Variants in DLGAP2 observed in about 807,000 individuals in gnomAD.
DLGAP2 encodes the protein DLG associated protein 2.
Under a neutral mutation model 100.3 loss-of-function variants are expected in DLGAP2, and 26 were observed. The ratio of observed to expected loss-of-function variants is 0.26; its 90% confidence interval spans 0.19 to 0.36. DLGAP2 has a LOEUF of 0.36. Among genes scored for constraint, DLGAP2 ranks in the 10% least tolerant of loss-of-function variants. The pLI, the probability that DLGAP2 is intolerant of heterozygous loss-of-function variation, is 1.00. For synonymous variants in DLGAP2, 886 were observed against 630.1 expected, an observed-to-expected ratio of 1.41 and a Z score of -6.08; for missense variants, 1,858 against 1,453.2, an observed-to-expected ratio of 1.28 and a Z score of -4.53.
chr8:1,379,868 G>A lies in DLGAP2; in HGVS notation c.106+120985G>A, dbSNP rs146798726. ...CTCCCCTCCTGCTCGGTGGGGGCCT[G>A]CTGATTTGGGGTGCCTTCCCTTCCC... is the stretch of plus-strand genomic sequence containing the variant. On this transcript the variant is annotated intron_variant, in intron 3 of 14. Transcript: ENST00000637795. Among the ~76,000 whole-genome samples, 405 of 85,696 alleles carry A rather than the reference G, an allele frequency of 4.7e-3. 2 individuals are homozygous for A. Among genetic ancestry groups the A allele is most frequent in the African/African-American group, 0.013 (373 of 28,464 alleles). The allele number at this position is 85,696 out of a possible 152,430, so 56.2% of individuals were successfully genotyped here. A position where few individuals can be genotyped will look rare whatever the true frequency, so the allele number is the denominator to read the frequency against.
chr8:1,146,642 T>C (rs1478181068), intron 2 of DLGAP2, among the ~76,000 whole-genome samples: 3 of 148,848 alleles, frequency 2.0e-5, no homozygotes, highest in African/African-American at 7.8e-5. Context: ...TGTGTGCATG[T>C]GAGTGTGTGC....
At chr8:900,105 G>T (rs370971397) in intron 1 of DLGAP2, among the ~76,000 whole-genome samples, 2 of 152,176 alleles carry the variant, frequency 1.3e-5, no homozygotes, top group African/African-American at 4.8e-5. Context: ...GATGGTGGGC[G>T]GCCTCCTCTT....
At position 1,572,070 on chromosome 8, in the gene DLGAP2, GAGAGAGGGTGA is replaced by G. The variant is rs1429666687; in HGVS notation, c.1442+6178_1442+6188del. On this transcript the variant is annotated intron_variant, in intron 6 of 14. Transcript: ENST00000637795. ...TGGGGATGTCTGATGAGATGGAGAG[GAGAGAGGGTGA>G]ACTGTGGGGGCGTCTGATGAGATGG... 2.5e-4 allele frequency among the ~76,000 whole-genome samples: 35 copies of G among 137,590 alleles called. 1 individual carries two copies. The highest frequency in any genetic ancestry group is 1.0e-3 in the African/African-American group (35 of 35,014). 90.3% of individuals were successfully genotyped at this position (137,590 alleles called of 152,430 possible). A position where few individuals can be genotyped will look rare whatever the true frequency, so the allele number is the denominator to read the frequency against.
At chr8:1,195,142 A>C (rs1350822633) in intron 2 of DLGAP2, among the ~76,000 whole-genome samples, 1 of 152,250 alleles carries the variant, frequency 6.6e-6, no homozygotes, top group Non-Finnish European at 1.5e-5. Context: ...CCCTGGTCGC[A>C]AAGGCGTCAG....
chr8:1,626,013 T>C (rs1469356903), intron 6 of DLGAP2, among the ~76,000 whole-genome samples: 2 of 146,386 alleles, frequency 1.4e-5, no homozygotes, highest in Non-Finnish European at 3.0e-5. Flanking sequence ...TGTTCCCATC[T>C]CTACCCTGTG....
chr8:1,164,557 G>A (rs62487538), intron 2 of DLGAP2, among the ~76,000 whole-genome samples: 16,082 of 151,974 alleles, frequency 0.11, 974 homozygotes, highest in East Asian at 0.23. Flanking sequence ...CACGGATGCT[G>A]CCCAAGTACT....
chr8:879,598 C>T (rs897184958), intron 1 of DLGAP2, among the ~76,000 whole-genome samples: 4 of 152,202 alleles, frequency 2.6e-5, no homozygotes, highest in African/African-American at 9.7e-5. Context: ...TCATTAGTTT[C>T]CTAGGAGCCA....
chr8:1,533,135 G>GA (rs58058808), intron 4 of DLGAP2, among the ~76,000 whole-genome samples: 2,630 of 119,524 alleles, frequency 0.022, 30 homozygotes, highest in Non-Finnish European at 0.03. Flanking sequence ...TGATTCTAGG[G>GA]AAAAAAAAAA....
chr8:974,065 G>C (rs1380920849), intron 2 of DLGAP2, among the ~76,000 whole-genome samples: 1 of 152,100 alleles, frequency 6.6e-6, no homozygotes, highest in Non-Finnish European at 1.5e-5. Context: ...GGTAATACCA[G>C]AAAGAGAAGA....
At chr8:1,043,933 G>A (rs186801546) in intron 2 of DLGAP2, among the ~76,000 whole-genome samples, 2 of 147,070 alleles carry the variant, frequency 1.4e-5, no homozygotes, top group South Asian at 2.2e-4. Context: ...ATCTCAGCTG[G>A]GGTGCAGTTG....
rs138983564 is a variant in DLGAP2, at chr8:1,268,487, G to A, written c.106+9604G>A. Among the ~76,000 whole-genome samples, 80 of 152,298 alleles carry A rather than the reference G, an allele frequency of 5.3e-4. 1 individual carries two copies. The South Asian group carries it at 8.9e-3, about 17-fold the overall frequency. On this transcript the variant is annotated intron_variant, in intron 3 of 14. Transcript: ENST00000637795. ...GGATAGCGTCTGACAGCTGTCTTCC[G>A]CGTTAGAGTGTCGCCATCTCCAAAG...
At chr8:990,146 C>G (rs1296657158) in intron 2 of DLGAP2, among the ~76,000 whole-genome samples, 1 of 152,108 alleles carries the variant, frequency 6.6e-6, no homozygotes, top group East Asian at 1.9e-4. Flanking sequence ...ATGATTTGAG[C>G]TCCATCCATG....
chr8:1,107,994 A>G (rs574329159), intron 2 of DLGAP2, among the ~76,000 whole-genome samples: 1 of 152,332 alleles, frequency 6.6e-6, no homozygotes, highest in East Asian at 1.9e-4. Flanking sequence ...AATAGAGAAT[A>G]GTCGTAGTTG....
chr8:1,682,188 C>T (rs1193324556), intron 12 of DLGAP2, among the ~76,000 whole-genome samples: 1 of 152,218 alleles, frequency 6.6e-6, no homozygotes, highest in Non-Finnish European at 1.5e-5. Flanking sequence ...GTGTGGTCCA[C>T]AGAGTCCCTC....
chr8:1,268,631 C>T (rs192133332), intron 3 of DLGAP2, among the ~76,000 whole-genome samples: 243 of 152,282 alleles, frequency 1.6e-3, no homozygotes, highest in African/African-American at 5.5e-3. Context: ...TAAGAGAATT[C>T]TTATCATCTT....
intron 2 of DLGAP2, among the ~76,000 whole-genome samples, chr8:1,252,011 T>A (rs1050570992): frequency 6.6e-6 from 1 of 151,962 alleles, no homozygotes; most frequent in African/African-American, 2.4e-5. Flanking sequence ...GTGGGTGTGT[T>A]GTGTTGTCCT....
chr8:1,572,828 G>A (rs557052375), intron 6 of DLGAP2, among the ~76,000 whole-genome samples: 31 of 101,720 alleles, frequency 3.0e-4, no homozygotes, highest in Non-Finnish European at 5.4e-4. Flanking sequence ...AACTGTGGGG[G>A]CATCTGATGA....
chr8:842,960 G>A (rs568590710), intron 1 of DLGAP2, among the ~76,000 whole-genome samples: 18 of 152,278 alleles, frequency 1.2e-4, no homozygotes, highest in Non-Finnish European at 2.2e-4. Context: ...TACAGCAGCC[G>A]GTGGTAGTTT....
At chr8:1,131,692 G>A (rs1251231744) in intron 2 of DLGAP2, among the ~76,000 whole-genome samples, 3 of 151,370 alleles carry the variant, frequency 2.0e-5, no homozygotes, top group African/African-American at 4.9e-5. Flanking sequence ...CGCGGCTGCT[G>A]TTCCACATTA....
Sources: allele counts gnomAD v4.1 joint callset (sites outside exome capture counted in the v4.1 genomes callset), GRCh38; gene constraint gnomAD v4.1.1; transcripts MANE v1.5; gene names NCBI Gene and HGNC (gene_info 2026-07-23, HGNC 2026-07-21).